Variants in ZBBX observed in about 807,000 individuals in gnomAD.
The protein encoded by ZBBX is zinc finger B-box domain-containing protein 1.
In ZBBX, 101 loss-of-function variants were observed where a neutral mutation model predicts 108.5. That is an observed-to-expected ratio of 0.93 (90% CI 0.79 to 1.10). The LOEUF is 1.10. Ranked by LOEUF, ZBBX falls within the 50% of genes least tolerant of loss-of-function variation. ZBBX has a pLI of 0.00. For synonymous variants in ZBBX, 356 were observed against 323.4 expected, an observed-to-expected ratio of 1.10 and a Z score of -1.08; for missense variants, 1,009 against 941.4, an observed-to-expected ratio of 1.07 and a Z score of -0.94.
chr3:167,377,870 T>A (rs1169629084), intron 2 of ZBBX, among the ~76,000 whole-genome samples: 1 of 152,090 alleles, frequency 6.6e-6, no homozygotes, highest in African/African-American at 2.4e-5. Flanking sequence ...TGAATTGTAA[T>A]CCCCATAATT....
chr3:167,280,877 G>A (rs1728681462), intron 20 of ZBBX, among the ~76,000 whole-genome samples: 1 of 152,122 alleles, frequency 6.6e-6, no homozygotes, highest in African/African-American at 2.4e-5. Context: ...ATGATAGACT[G>A]GATTAAGAAA....
At chr3:167,197,972 A>T in the ZBBX span, among the ~76,000 whole-genome samples, 1 of 152,220 alleles carries the variant, frequency 6.6e-6, no homozygotes, top group East Asian at 1.9e-4. Flanking sequence ...CCATATAAGT[A>T]CCAATGTGCT....
intron 20 of ZBBX, among the ~76,000 whole-genome samples, chr3:167,253,118 G>A (rs1387956381): frequency 6.6e-6 from 1 of 152,034 alleles, no homozygotes; most frequent in Non-Finnish European, 1.5e-5. Flanking sequence ...AGAAAAAGCA[G>A]AATAATAAAA....
At chr3:167,350,603 A>T in intron 8 of ZBBX, 88 bp from the exon 9 acceptor site, 1 of 936,874 alleles carries the variant, frequency 1.1e-6, no homozygotes, top group Non-Finnish European at 1.5e-6. Context: ...CTTGTTTTTT[A>T]ATATTTATTT....
chr3:167,374,353 CCT>C (rs1173860356), intron 2 of ZBBX, among the ~76,000 whole-genome samples: 1 of 151,950 alleles, frequency 6.6e-6, no homozygotes, highest in African/African-American at 2.4e-5. Context: ...TTCAGAACAC[CCT>C]GTTTCCCAAG....
chr3:167,333,576 T>A (rs1739029952), intron 10 of ZBBX, among the ~76,000 whole-genome samples: 1 of 152,174 alleles, frequency 6.6e-6, no homozygotes, highest in South Asian at 2.1e-4. Context: ...CTGACATGGA[T>A]GAAAATGTCC....
At chr3:167,367,023 A>G (rs1471278412) in intron 5 of ZBBX, 1 of 395,552 alleles carries the variant, frequency 2.5e-6, no homozygotes, top group Non-Finnish European at 5.1e-6. Flanking sequence ...AATGGACTCT[A>G]AAGATAAATA....
chr3:167,384,998 G>C (rs1747864826), upstream of ZBBX, among the ~76,000 whole-genome samples: 1 of 151,952 alleles, frequency 6.6e-6, no homozygotes. Context: ...TCACATGATG[G>C]AGTCTTTAGA....
intron 8 of ZBBX, among the ~76,000 whole-genome samples, chr3:167,351,009 C>T (rs79907719): frequency 0.012 from 1,867 of 151,870 alleles, 16 homozygotes; most frequent in Non-Finnish European, 0.017. Context: ...AATCCCTATA[C>T]ACTTCCCTGG....
intron 20 of ZBBX, among the ~76,000 whole-genome samples, chr3:167,251,059 C>A (rs886994998): frequency 6.6e-5 from 10 of 152,144 alleles, no homozygotes; most frequent in Non-Finnish European, 1.3e-4. Context: ...AACCAGCACA[C>A]CAGCAGACCA....
At chr3:167,386,520 T>C (rs1747927910) in intron 1 of ZBBX, among the ~76,000 whole-genome samples, 1 of 152,064 alleles carries the variant, frequency 6.6e-6, no homozygotes, top group Admixed American at 6.6e-5. Flanking sequence ...CATAGGCATA[T>C]ATAAGTGAGT....
rs1257751462 is a variant in ZBBX, at chr3:167,282,435, C to T, written c.2057G>A (p.Ser686Asn). Residue 686 changes from serine (S) to asparagine (N), a missense_variant, in exon 20 of 22, where the codon AGC (serine) becomes AAC (asparagine). Transcript: ENST00000675490. ...ATGAGAGGATGAAAGGCAACTGGAG[C>T]TTTCTTTAACAGAGTTGGAAAGTGG... is the stretch of plus-strand genomic sequence containing the variant. ...NFPLSNSVKE[S>N]SSCLSSSHPR... The T allele has an allele frequency of 6.2e-7, 1 of 1,613,986 alleles. No homozygotes were observed. Among genetic ancestry groups the T allele is most frequent in the Non-Finnish European group, 8.5e-7 (1 of 1,179,890 alleles).
the ZBBX span, among the ~76,000 whole-genome samples, chr3:167,207,834 G>C: frequency 2.5e-3 from 381 of 152,232 alleles, 2 homozygotes; most frequent in African/African-American, 8.9e-3. Flanking sequence ...ACATCAAAAA[G>C]CATGTTCATA....
chr3:167,248,956 A>G (rs1722080060), intron 20 of ZBBX, among the ~76,000 whole-genome samples: 1 of 152,216 alleles, frequency 6.6e-6, no homozygotes, highest in South Asian at 2.1e-4. Context: ...TGAAAGGAGG[A>G]CATTCATTTT....
chr3:167,365,057 C>T (rs887874290), intron 6 of ZBBX, among the ~76,000 whole-genome samples: 19 of 151,700 alleles, frequency 1.3e-4, no homozygotes, highest in South Asian at 2.1e-4. Flanking sequence ...TTACAAATAG[C>T]CTGTTTCTAG....
At chr3:167,279,151 A>G (rs991854257) in intron 20 of ZBBX, among the ~76,000 whole-genome samples, 18 of 152,060 alleles carry the variant, frequency 1.2e-4, no homozygotes, top group Non-Finnish European at 2.4e-4. Flanking sequence ...ATCATACTGA[A>G]TGGGCAAAAA....
chr3:167,393,391 C>T (rs908470416), intron 1 of ZBBX, among the ~76,000 whole-genome samples: 2 of 151,840 alleles, frequency 1.3e-5, no homozygotes, highest in Admixed American at 1.3e-4. Flanking sequence ...TTCTTATGCT[C>T]AAGTAACAAA....
chr3:167,387,620 A>G (rs1367643598), intron 1 of ZBBX, among the ~76,000 whole-genome samples: 1 of 152,044 alleles, frequency 6.6e-6, no homozygotes, highest in African/African-American at 2.4e-5. Flanking sequence ...GAAACATACA[A>G]GGGACTCAAG....
At chr3:167,193,563 C>A in the ZBBX span, among the ~76,000 whole-genome samples, 1 of 152,042 alleles carries the variant, frequency 6.6e-6, no homozygotes, top group Non-Finnish European at 1.5e-5. Flanking sequence ...GGTTCCCTGG[C>A]AATGCATGTT....
Sources: gnomAD v4.1 joint callset for allele counts (sites outside exome capture counted in the v4.1 genomes callset) on GRCh38, gnomAD v4.1.1 for gene constraint, MANE v1.5 for transcripts, NCBI Gene and HGNC (gene_info 2026-07-23, HGNC 2026-07-21) for gene names.